The following GLRB variants were observed in gnomAD, a reference collection of about 807,000 sequenced individuals.
GLRB encodes the protein glycine receptor subunit beta.
In GLRB, 33 loss-of-function variants were observed where a neutral mutation model predicts 54.2. The ratio of observed to expected loss-of-function variants is 0.61; its 90% CI spans 0.46 to 0.81. GLRB has a LOEUF of 0.81. GLRB is among the 40% of genes least tolerant of loss of function. The pLI is 0.00. For missense variants in GLRB, 572 were observed against 584.6 expected (o/e 0.98, Z 0.22); for synonymous variants, 209 against 208.2 (o/e 1.00, Z -0.03).
At chr4:157,118,040 G>A (rs1199648302) in intron 2 of GLRB, among the ~76,000 whole-genome samples, 1 of 151,660 alleles carries the variant, frequency 6.6e-6, no homozygotes, top group Non-Finnish European at 1.5e-5. Context: ...ATTCCAGGAA[G>A]AGAGACTGAT....
chr4:157,149,615 A>G (rs1220824247), intron 8 of GLRB, among the ~76,000 whole-genome samples: 1 of 152,092 alleles, frequency 6.6e-6, no homozygotes, highest in East Asian at 1.9e-4. Flanking sequence ...TGCTAATATA[A>G]TTTATTAATA....
intron 7 of GLRB, among the ~76,000 whole-genome samples, chr4:157,140,051 C>T (rs1736551906): frequency 6.6e-6 from 1 of 152,048 alleles, no homozygotes; most frequent in African/African-American, 2.4e-5. Context: ...AGTTAAACAT[C>T]TATTGTTGAC....
intron 7 of GLRB, among the ~76,000 whole-genome samples, chr4:157,143,184 G>A (rs1369201252): frequency 6.6e-6 from 1 of 152,008 alleles, no homozygotes; most frequent in East Asian, 1.9e-4. Flanking sequence ...GTAGAGGTGG[G>A]CAAAGAATTG....
chr4:157,132,336 G>A (rs945771784), intron 4 of GLRB, among the ~76,000 whole-genome samples: 2 of 151,594 alleles, frequency 1.3e-5, no homozygotes, highest in Non-Finnish European at 3.0e-5. Flanking sequence ...ACTGTCTCTT[G>A]CTTGACCCCT....
chr4:157,136,232 G>A (rs1736393525), intron 4 of GLRB: 2 of 503,602 alleles, frequency 4.0e-6, no homozygotes, highest in East Asian at 3.4e-5. Flanking sequence ...ATATTCTGAT[G>A]TTTGAGCTAG....
intron 9 of GLRB, among the ~76,000 whole-genome samples, chr4:157,154,125 G>C (rs1192657818): frequency 6.6e-6 from 1 of 152,180 alleles, no homozygotes; most frequent in East Asian, 1.9e-4. Flanking sequence ...CTTTCATGAA[G>C]AATAAGGATA....
chr4:157,093,754 CAAAA>C (rs70958808), intron 2 of GLRB, among the ~76,000 whole-genome samples: 149 of 60,820 alleles, frequency 2.4e-3, no homozygotes, highest in African/African-American at 9.4e-3. Context: ...GACTCCATCT[CAAAA>C]AAAAAAAAAA....
Position 157,143,965 on chromosome 4 carries a change from G to C in GLRB, c.904+6G>C. The stretch of plus-strand genomic sequence containing the variant: ...TGCTGCCAGAGTGCCCCTGGGTAAG[G>C]TGTTCCATGCTTTTTTGTCACATCA... On this transcript the variant is annotated splice_donor_region_variant and intron_variant, in intron 8 of 9. Coordinates refer to ENST00000264428, the MANE Select transcript of GLRB (RefSeq NM_000824.5). 2 of 1,613,452 alleles carry C rather than the reference G, an allele frequency of 1.2e-6. No individual in the cohort carries two copies. Among genetic ancestry groups the C allele is most frequent in the Non-Finnish European group, 1.7e-6 (2 of 1,179,582 alleles).
In GLRB at chr4:157,136,619, A is replaced by G. The variant is rs930078810; in HGVS notation, c.448A>G (p.Ser150Gly). Residue 150 changes from serine to glycine, a missense_variant, in exon 5 of 10, where the codon AGT becomes GGT. By Grantham distance (56) the Ser-to-Gly change is moderately conservative. Transcript: ENST00000264428. Reference protein sequence around the residue: ...KPDLFFANEKSANFHDVTQEN... With the variant: ...KPDLFFANEKGANFHDVTQEN... Reference sequence around the variant, plus strand: ...TGATTTATTTTTTGCAAATGAAAAAAGTGCCAATTTTCATGATGTGACCCA... The same window carrying G: ...TGATTTATTTTTTGCAAATGAAAAAGGTGCCAATTTTCATGATGTGACCCA... 16 of 1,613,308 alleles carry G rather than the reference A, an allele frequency of 9.9e-6. No homozygotes were observed. The Admixed American group carries it at 2.2e-4, about 22-fold the overall frequency.
At chr4:157,094,069 G>A (rs905386389) in intron 2 of GLRB, among the ~76,000 whole-genome samples, 3 of 152,038 alleles carry the variant, frequency 2.0e-5, no homozygotes, top group African/African-American at 7.2e-5. Flanking sequence ...GTTTTTTTGG[G>A]CATTTATTTT....
At chr4:157,139,771 A>T (rs1253727862) in intron 7 of GLRB, among the ~76,000 whole-genome samples, 3 of 152,012 alleles carry the variant, frequency 2.0e-5, no homozygotes, top group Non-Finnish European at 4.4e-5. Flanking sequence ...AGTAAATCAT[A>T]ACAAAAATAT....
At chr4:157,121,563 G>A (rs1006384009) in intron 3 of GLRB, among the ~76,000 whole-genome samples, 1 of 151,024 alleles carries the variant, frequency 6.6e-6, no homozygotes, top group Admixed American at 6.6e-5. Flanking sequence ...TCATTACCAG[G>A]ACCTATTCAG....
Position 157,162,518 on chromosome 4 carries a change from G to A in GLRB, c.1198-7914G>A, listed in dbSNP as rs192192972. 4.6e-3 allele frequency among the ~76,000 whole-genome samples: 708 copies of A among 152,264 alleles called. 9 individuals are homozygous for A. Among genetic ancestry groups the A allele is most frequent in the African/African-American group, 0.016 (665 of 41,548 alleles). ...GATGGTGACATACAGGTGCGGTTTT[G>A]GTGTGTATGTCCTTTCTGTTTGTTA... On this transcript the variant is annotated intron_variant, in intron 9 of 9. Coordinates refer to ENST00000264428, the MANE Select transcript of GLRB (RefSeq NM_000824.5).
At chr4:157,085,842 G>A (rs1245944504) in intron 2 of GLRB, among the ~76,000 whole-genome samples, 2 of 152,076 alleles carry the variant, frequency 1.3e-5, no homozygotes, top group Non-Finnish European at 2.9e-5. Context: ...TTACAATATC[G>A]TACTACCAGA....
At chr4:157,167,069 A>G (rs1036635287) in intron 9 of GLRB, among the ~76,000 whole-genome samples, 1 of 152,174 alleles carries the variant, frequency 6.6e-6, no homozygotes, top group African/African-American at 2.4e-5. Context: ...TTTCTACAGT[A>G]TATTCTAAAT....
chr4:157,099,248 G>C (rs1579196516), intron 2 of GLRB, among the ~76,000 whole-genome samples: 2 of 152,038 alleles, frequency 1.3e-5, no homozygotes, highest in East Asian at 3.9e-4. Flanking sequence ...TAACCATTCA[G>C]TATTCTAGGA....
At chr4:157,132,392 A>C (rs543663710) in intron 4 of GLRB, among the ~76,000 whole-genome samples, 1 of 151,760 alleles carries the variant, frequency 6.6e-6, no homozygotes, top group Admixed American at 6.6e-5. Flanking sequence ...AATCATTCTT[A>C]TTATGATTGA....
chr4:157,144,039 A>G (rs911836488), intron 8 of GLRB, 80 bp downstream of exon 8: 14 of 1,379,784 alleles, frequency 1.0e-5, no homozygotes, highest in East Asian at 9.1e-5. Flanking sequence ...AACTACTTTG[A>G]AACAATGAGT....
chr4:157,137,993 A>G (rs1381532713), intron 6 of GLRB, among the ~76,000 whole-genome samples: 1 of 152,186 alleles, frequency 6.6e-6, no homozygotes. Flanking sequence ...TGCTGTAATT[A>G]TGTCCCTTTG....
Sources: allele counts gnomAD v4.1 joint callset (sites outside exome capture counted in the v4.1 genomes callset), GRCh38; gene constraint gnomAD v4.1.1; transcripts MANE v1.5; gene names NCBI Gene and HGNC (gene_info 2026-07-23, HGNC 2026-07-21).